Variants in CYP2C18 observed in about 807,000 individuals in gnomAD.
CYP2C18 encodes cytochrome P450 family 2 subfamily C member 18, also known as cytochrome P450 2C18.
A neutral mutation model predicts 41.3 loss-of-function variants in CYP2C18; 38 were observed. The observed-to-expected ratio is 0.92, with a 90% CI of 0.71 to 1.21. The LOEUF (loss-of-function observed/expected upper bound fraction) is 1.21. Among genes scored for constraint, CYP2C18 ranks in the 50% most tolerant of loss-of-function variants. The pLI is 0.00. For missense variants in CYP2C18, 635 were observed against 591.4 expected (o/e 1.07, Z -0.77); for synonymous variants, 236 against 210.0 (o/e 1.12, Z -1.07).
At chr10:94,703,474 T>C (rs77062520) in intron 4 of CYP2C18, among the ~76,000 whole-genome samples, 1,853 of 152,278 alleles carry the variant, frequency 0.012, 54 homozygotes, top group African/African-American at 0.043. Flanking sequence ...TACAGGGGCT[T>C]TGTGGTGCTG....
At chr10:94,700,184 G>A (rs189607657) in intron 4 of CYP2C18, among the ~76,000 whole-genome samples, 3,935 of 152,122 alleles carry the variant, frequency 0.026, 148 homozygotes, top group African/African-American at 0.075. Context: ...ATCCTAAGCC[G>A]AAAGAACAAA....
At chr10:94,717,587 G>T (rs1847574743) in intron 5 of CYP2C18, among the ~76,000 whole-genome samples, 1 of 152,100 alleles carries the variant, frequency 6.6e-6, no homozygotes, top group Non-Finnish European at 1.5e-5. Flanking sequence ...GTAGTTTACA[G>T]TATCTGGTGT....
chr10:94,729,124 T>C (rs1389747734), intron 7 of CYP2C18, among the ~76,000 whole-genome samples: 1 of 152,108 alleles, frequency 6.6e-6, no homozygotes, highest in East Asian at 1.9e-4. Context: ...CTGTTGTTGA[T>C]GGTCCAGTAT....
Position 94,735,328 on chromosome 10 carries a change from T to G in CYP2C18, c.1357T>G (p.Leu453Val). The change falls in exon 9 of 9, where the codon TTG becomes GTG. Residue 453 changes from leucine (L) to valine (V), a missense_variant. Leu to Val is a conservative substitution (Grantham distance 32). Coordinates refer to ENST00000285979, the MANE Select transcript of CYP2C18 (RefSeq NM_000772.3). ...MELFLFLTTI[L>V]QNFNLKSQVD... ...GCTGTTTTTATTCCTGACCACCATTTTGCAGAACTTTAACCTGAAATCTCA... is the reference window on the plus strand; with the variant it reads ...GCTGTTTTTATTCCTGACCACCATTGTGCAGAACTTTAACCTGAAATCTCA... 1 of 1,613,752 alleles carries G rather than the reference T, an allele frequency of 6.2e-7. No individual in the cohort carries two copies. Among genetic ancestry groups the G allele is most frequent in the Non-Finnish European group, 8.5e-7 (1 of 1,179,760 alleles).
chr10:94,717,124 ACTCTTTATCCAGTTTGCTAGT>A (rs1189624994), intron 5 of CYP2C18, among the ~76,000 whole-genome samples: 3 of 151,776 alleles, frequency 2.0e-5, no homozygotes, highest in Non-Finnish European at 2.9e-5. Flanking sequence ...AGGAGTCTTG[ACTCTTTATCCAGTTTGCTAGT>A]CTGTGTCTTT....
chr10:94,692,724 A>G (rs1191379433), intron 3 of CYP2C18, among the ~76,000 whole-genome samples: 1 of 152,338 alleles, frequency 6.6e-6, no homozygotes, highest in Admixed American at 6.5e-5. Flanking sequence ...ATGCACAGGT[A>G]TGTTTATTGC....
At chr10:94,715,738 A>C (rs1483837566) in intron 5 of CYP2C18, among the ~76,000 whole-genome samples, 1 of 152,100 alleles carries the variant, frequency 6.6e-6, no homozygotes, top group Admixed American at 6.6e-5. Context: ...TATTGATTGG[A>C]ATAGTTTCAG....
intron 6 of CYP2C18, among the ~76,000 whole-genome samples, chr10:94,723,954 T>C (rs182420116): frequency 2.6e-5 from 4 of 152,242 alleles, no homozygotes; most frequent in Admixed American, 6.5e-5. Context: ...TCCATACATA[T>C]AGATCTGTTA....
chr10:94,690,179 C>G (rs1846969598), intron 3 of CYP2C18, among the ~76,000 whole-genome samples: 1 of 152,110 alleles, frequency 6.6e-6, no homozygotes, highest in South Asian at 2.1e-4. Flanking sequence ...ATACAAAATC[C>G]TCGGTGAATT....
chr10:94,690,412 G>T (rs112021287), intron 3 of CYP2C18, among the ~76,000 whole-genome samples: 7,259 of 152,160 alleles, frequency 0.048, 233 homozygotes, highest in South Asian at 0.11. Context: ...ACACCTCTAT[G>T]CAAATAAACT....
At chr10:94,708,904 T>C (rs148540173) in intron 5 of CYP2C18, among the ~76,000 whole-genome samples, 1 of 152,334 alleles carries the variant, frequency 6.6e-6, no homozygotes, top group Non-Finnish European at 1.5e-5. Flanking sequence ...CATGTATCAG[T>C]ACCTCATTCC....
chr10:94,704,763 T>A (rs1847307590), intron 4 of CYP2C18, among the ~76,000 whole-genome samples: 1 of 152,200 alleles, frequency 6.6e-6, no homozygotes, highest in Non-Finnish European at 1.5e-5. Flanking sequence ...ATAGGCACTT[T>A]TGAACATCCC....
chr10:94,719,749 G>C (rs1261114216), intron 5 of CYP2C18, among the ~76,000 whole-genome samples: 1 of 151,680 alleles, frequency 6.6e-6, no homozygotes, highest in Non-Finnish European at 1.5e-5. Context: ...TAATTTTTGT[G>C]TTTTTAGTAG....
intron 4 of CYP2C18, among the ~76,000 whole-genome samples, chr10:94,705,757 A>T (rs1312209958): frequency 6.6e-6 from 1 of 152,158 alleles, no homozygotes. Flanking sequence ...CAGCTTGCCC[A>T]TATCTTAGCA....
intron 3 of CYP2C18, among the ~76,000 whole-genome samples, chr10:94,690,974 AC>A (rs199965881): frequency 0.17 from 26,268 of 152,020 alleles, 2,501 homozygotes; most frequent in South Asian, 0.33. Flanking sequence ...AAATTCAACA[AC>A]CCTTCATGCT....
intron 7 of CYP2C18, among the ~76,000 whole-genome samples, chr10:94,727,758 T>A (rs182179963): frequency 4.6e-5 from 7 of 152,282 alleles, no homozygotes; most frequent in Admixed American, 2.0e-4. Context: ...AATGAATATA[T>A]GTGTGTGTAG....
chr10:94,719,297 C>G lies in CYP2C18; in HGVS notation c.820-1099C>G, dbSNP rs1474960886. 2.0e-5 allele frequency among the ~76,000 whole-genome samples: 3 copies of G among 152,108 alleles called. No individual in the cohort carries two copies. The East Asian group carries it at 5.8e-4, about 29-fold the overall frequency. The stretch of plus-strand genomic sequence containing the variant: ...ATAATGTGTTTATTTATTTCACATA[C>G]AGGGTGTCATGTTGGGCAGTGCAGA... On this transcript the variant is annotated intron_variant, in intron 5 of 8. Transcript: ENST00000285979.
chr10:94,708,110 G>A (rs1186600087), intron 5 of CYP2C18, among the ~76,000 whole-genome samples: 1 of 152,202 alleles, frequency 6.6e-6, no homozygotes, highest in Non-Finnish European at 1.5e-5. Context: ...TGCAGAATCA[G>A]TCAGTAGGTG....
chr10:94,699,782 C>G (rs1847198425), intron 4 of CYP2C18, among the ~76,000 whole-genome samples: 1 of 152,196 alleles, frequency 6.6e-6, no homozygotes, highest in Admixed American at 6.5e-5. Context: ...AGCAAGGTCT[C>G]AGGATACAAA....
Sources: gnomAD v4.1 joint callset for allele counts (sites outside exome capture counted in the v4.1 genomes callset) on GRCh38, gnomAD v4.1.1 for gene constraint, MANE v1.5 for transcripts, NCBI Gene and HGNC (gene_info 2026-07-23, HGNC 2026-07-21) for gene names.